Variants in COG5 observed in about 807,000 individuals in gnomAD.
The protein encoded by COG5 is component of oligomeric golgi complex 5.
A neutral mutation model predicts 110.4 loss-of-function variants in COG5; 86 were observed. The ratio of observed to expected loss-of-function variants is 0.78; its 90% confidence interval spans 0.65 to 0.93. COG5 has a LOEUF of 0.93. Among genes scored for constraint, COG5 ranks in the 40% least tolerant of loss-of-function variants. The pLI is 0.00. For synonymous variants in COG5, 360 were observed against 334.6 expected, an observed-to-expected ratio of 1.08 and a Z score of -0.83; for missense variants, 1,077 against 987.0, an observed-to-expected ratio of 1.09 and a Z score of -1.22.
chr7:107,359,764 C>T (rs951989342), intron 10 of COG5, among the ~76,000 whole-genome samples: 10 of 152,106 alleles, frequency 6.6e-5, no homozygotes, highest in South Asian at 2.1e-4. Flanking sequence ...GCACAAACAA[C>T]GGGATGACCT....
At chr7:107,547,830 T>C (rs1464868241) in intron 5 of COG5, among the ~76,000 whole-genome samples, 1 of 151,020 alleles carries the variant, frequency 6.6e-6, no homozygotes, top group East Asian at 1.9e-4. Flanking sequence ...ACCAAGGAGG[T>C]GAAGCATCTA....
chr7:107,373,338 A>G (rs1814347721), intron 7 of COG5, among the ~76,000 whole-genome samples: 1 of 152,220 alleles, frequency 6.6e-6, no homozygotes, highest in Admixed American at 6.5e-5. Context: ...AGAAATGTAC[A>G]AAACATAAAT....
chr7:107,530,152 T>G (rs1226407443), intron 5 of COG5, among the ~76,000 whole-genome samples: 3 of 152,170 alleles, frequency 2.0e-5, no homozygotes, highest in African/African-American at 7.2e-5. Context: ...TTACCAACTA[T>G]CCTACTGCAT....
At chr7:107,222,115 G>A (rs1408215320) in intron 19 of COG5, among the ~76,000 whole-genome samples, 2 of 152,098 alleles carry the variant, frequency 1.3e-5, no homozygotes, top group Non-Finnish European at 2.9e-5. Context: ...CCCACACAGA[G>A]GTTTCTGGCT....
rs189283957 is a variant in COG5 at position 107,391,917 on chromosome 7, C to T, written c.670-19157G>A. 5.3e-3 allele frequency among the ~76,000 whole-genome samples: 800 copies of T among 152,240 alleles called. 9 individuals carry two copies. The highest frequency in any genetic ancestry group is 0.017 in the African/African-American group (717 of 41,532). ...CCACCCTGGCCAACATGGTGAAACC[C>T]CGTCTCTACCAAAAAATACAAAAAT... On this transcript the variant is annotated intron_variant, in intron 7 of 21. Transcript: ENST00000297135.
chr7:107,555,767 T>A (rs1441316159), intron 2 of COG5, among the ~76,000 whole-genome samples: 1 of 151,954 alleles, frequency 6.6e-6, no homozygotes, highest in Non-Finnish European at 1.5e-5. Context: ...ATCCCAGCAC[T>A]TTGGGAGACC....
intron 7 of COG5, among the ~76,000 whole-genome samples, chr7:107,386,912 C>T (rs912207963): frequency 3.9e-5 from 6 of 152,210 alleles, no homozygotes; most frequent in African/African-American, 1.4e-4. Flanking sequence ...AGTCACCTGC[C>T]TTACCACCTC....
chr7:107,533,672 G>A (rs1801371949), intron 5 of COG5, among the ~76,000 whole-genome samples: 1 of 151,626 alleles, frequency 6.6e-6, no homozygotes, highest in Admixed American at 6.6e-5. Context: ...TATGTGAAAA[G>A]ACCAAACCTA....
intron 7 of COG5, among the ~76,000 whole-genome samples, chr7:107,389,985 A>G (rs1467998748): frequency 1.3e-5 from 2 of 152,164 alleles, no homozygotes; most frequent in Non-Finnish European, 2.9e-5. Context: ...TTTCACCCCA[A>G]TACTCCACGT....
At chr7:107,259,962 C>G (rs544665199) in intron 14 of COG5, among the ~76,000 whole-genome samples, 2 of 151,898 alleles carry the variant, frequency 1.3e-5, no homozygotes, top group Admixed American at 6.6e-5. Context: ...AAACTGAACC[C>G]TCATACATTG....
intron 11 of COG5, among the ~76,000 whole-genome samples, chr7:107,300,901 G>T (rs986297912): frequency 6.6e-6 from 1 of 152,056 alleles, no homozygotes; most frequent in Non-Finnish European, 1.5e-5. Flanking sequence ...CTGATTTCAA[G>T]ACATATAAAA....
At chr7:107,558,782 A>G (rs1453976756) in intron 1 of COG5, among the ~76,000 whole-genome samples, 1 of 141,144 alleles carries the variant, frequency 7.1e-6, no homozygotes, top group East Asian at 2.2e-4. Flanking sequence ...CAGCTACTCG[A>G]GAGGCTGAGG....
chr7:107,439,785 TAGA>T (rs1045098564), intron 6 of COG5, among the ~76,000 whole-genome samples: 4 of 152,150 alleles, frequency 2.6e-5, no homozygotes, highest in Non-Finnish European at 5.9e-5. Context: ...CAAAAGGAAG[TAGA>T]AGTTTTGTGC....
rs1245461526 is a variant in COG5, at chr7:107,372,700, T to C, written c.730A>G (p.Thr244Ala). Residue 244 changes from threonine (T) to alanine (A), a missense_variant, in exon 8 of 22, where the codon ACT (threonine) becomes GCT (alanine). Transcript: ENST00000297135. The part of the protein sequence containing the change: ...VFYNLGTLKD[T>A]ITSVVDGYCA... Reference sequence around the variant, plus strand: ...TATCCATCCACAACACTGGTAATAGTATCCTTCAAAGTTCCAAGATTATAG... The same window carrying C: ...TATCCATCCACAACACTGGTAATAGCATCCTTCAAAGTTCCAAGATTATAG... The C allele has an allele frequency of 5.0e-6, 8 of 1,613,444 alleles. No homozygotes were observed. The highest frequency in any genetic ancestry group is 2.7e-5 in the African/African-American group (2 of 74,894).
chr7:107,320,984 C>T (rs1210524553), intron 11 of COG5, among the ~76,000 whole-genome samples: 1 of 152,138 alleles, frequency 6.6e-6, no homozygotes, highest in African/African-American at 2.4e-5. Flanking sequence ...GAAGGCACCT[C>T]TTTATCCAAT....
chr7:107,384,500 C>G (rs1455302010), intron 7 of COG5, among the ~76,000 whole-genome samples: 2 of 152,098 alleles, frequency 1.3e-5, no homozygotes, highest in Non-Finnish European at 2.9e-5. Context: ...TCTGGCTTTG[C>G]GAGAGGCCCT....
At position 107,440,766 on chromosome 7, in the gene COG5, G is replaced by A. The variant is rs182272466; in HGVS notation, c.539-28134C>T. 7.3e-3 allele frequency among the ~76,000 whole-genome samples: 1,112 copies of A among 152,276 alleles called. 3 individuals carry two copies. Among genetic ancestry groups the A allele is most frequent in the Admixed American group, 0.012 (177 of 15,292 alleles). On this transcript the variant is annotated intron_variant, in intron 6 of 21. Transcript: ENST00000297135. ...GGGTTCAGAGAAATTCTGAGTTGAT[G>A]AATACATCAAGGTGCTGAGAGGTCA...
intron 5 of COG5, among the ~76,000 whole-genome samples, chr7:107,545,260 T>C (rs937276251): frequency 6.6e-6 from 1 of 151,990 alleles, no homozygotes; most frequent in Non-Finnish European, 1.5e-5. Context: ...GTAAAAAATA[T>C]CCAGGTATAG....
chr7:107,203,440 T>A lies in COG5; in HGVS notation c.*76A>T. 1.1e-6 allele frequency: 1 copy of A among 916,350 alleles called. No individual in the cohort carries two copies. Among genetic ancestry groups the A allele is most frequent in the Admixed American group, 1.7e-5 (1 of 58,900 alleles). 56.8% of individuals were successfully genotyped at this position (916,350 alleles called of 1,614,324 possible). On this transcript the variant is annotated 3_prime_UTR_variant, in exon 22 of 22. Transcript: ENST00000297135. ...TTCTTAAAATAGTAGATAGTAGCAG[T>A]CTTTTGGAGTATGTGTTTAACTGCC...
Sources: gnomAD v4.1 joint callset for allele counts (sites outside exome capture counted in the v4.1 genomes callset) on GRCh38, gnomAD v4.1.1 for gene constraint, MANE v1.5 for transcripts, NCBI Gene and HGNC (gene_info 2026-07-23, HGNC 2026-07-21) for gene names.